SLC16A7: variants seen among roughly 807,000 people sequenced by gnomAD.
SLC16A7 encodes solute carrier family 16 member 7, also known as monocarboxylate transporter 2.
SLC16A7 carries 33 observed loss-of-function variants against 34.9 expected under a neutral mutation model. The observed-to-expected ratio is 0.94, with a 90% CI of 0.72 to 1.26. The LOEUF is 1.26. Among genes scored for constraint, SLC16A7 ranks in the 50% most tolerant of loss-of-function variants. The pLI, the probability that SLC16A7 is intolerant of heterozygous loss-of-function variation, is 0.00. For missense variants in SLC16A7, 573 were observed against 578.1 expected, an observed-to-expected ratio of 0.99 and a Z score of 0.09; for synonymous variants, 201 against 206.6, an observed-to-expected ratio of 0.97 and a Z score of 0.23.
chr12:59,713,392 GA>G (rs1565667081), intron 3 of SLC16A7, among the ~76,000 whole-genome samples: 2 of 152,144 alleles, frequency 1.3e-5, no homozygotes, highest in African/African-American at 4.8e-5. Context: ...TAGGATTGAA[GA>G]ATTTACCGCA....
At chr12:59,670,029 C>T (rs977511054) in intron 2 of SLC16A7, among the ~76,000 whole-genome samples, 1 of 152,166 alleles carries the variant, frequency 6.6e-6, no homozygotes, top group African/African-American at 2.4e-5. Context: ...ATTCTCTCTC[C>T]TTTGGAAACA....
chr12:59,678,956 G>A lies in SLC16A7; in HGVS notation c.-31+23706G>A, dbSNP rs113455423. ...CTGGCATGTCAGTGCTGCCCTGAGC[G>A]AACACACACCCAGCTGGGTTGCAAC... On this transcript the variant is annotated intron_variant, in intron 2 of 5. Coordinates refer to ENST00000547379, the MANE Select transcript of SLC16A7 (RefSeq NM_001270623.2). Among the ~76,000 whole-genome samples the A allele has an allele frequency of 1.1e-3, 167 of 152,302 alleles. 2 individuals are homozygous for A. The highest frequency in any genetic ancestry group is 6.8e-3 in the South Asian group (33 of 4,824).
At chr12:59,766,100 T>C (rs1255090055) in intron 3 of SLC16A7, among the ~76,000 whole-genome samples, 1 of 152,210 alleles carries the variant, frequency 6.6e-6, no homozygotes, top group Non-Finnish European at 1.5e-5. Context: ...GAAGCAATTG[T>C]GAATGGAAGT....
intron 1 of SLC16A7, among the ~76,000 whole-genome samples, chr12:59,644,768 C>T (rs1378615171): frequency 1.3e-5 from 2 of 152,150 alleles, no homozygotes; most frequent in African/African-American, 2.4e-5. Flanking sequence ...GTTCCTCCCT[C>T]CCCTTTCAAA....
At chr12:59,597,041 C>T (rs1294049668) in intron 1 of SLC16A7, 1 of 152,342 alleles carries the variant, frequency 6.6e-6, no homozygotes, top group African/African-American at 2.4e-5. Context: ...CGCTCACGTG[C>T]GAACTGCCTG....
In SLC16A7 at chr12:59,731,830, G is replaced by A. The variant is rs1017937963; in HGVS notation, c.217+26812G>A. Among the ~76,000 whole-genome samples, 5 of 152,096 alleles carry A rather than the reference G, an allele frequency of 3.3e-5. No individual in the cohort carries two copies. In the East Asian group the frequency reaches 9.6e-4, roughly 29 times the overall value. The stretch of plus-strand genomic sequence containing the variant: ...TTTTGTAATGAGGATTTAACCCAGA[G>A]GCAAAAGATATAGGGTCAAACCTCA... On this transcript the variant is annotated intron_variant, in intron 3 of 5. Transcript: ENST00000547379.
chr12:59,755,653 A>G (rs1880227951), intron 3 of SLC16A7, among the ~76,000 whole-genome samples: 2 of 152,194 alleles, frequency 1.3e-5, no homozygotes, highest in African/African-American at 4.8e-5. Flanking sequence ...GGTAGGAAGA[A>G]TCAGTATCAT....
intron 1 of SLC16A7, among the ~76,000 whole-genome samples, chr12:59,604,369 AG>A (rs1197712302): frequency 6.6e-6 from 1 of 152,246 alleles, no homozygotes; most frequent in African/African-American, 2.4e-5. Flanking sequence ...GGAGGATGAT[AG>A]GAAAGCTCAC....
chr12:59,715,319 A>G (rs1475377152), intron 3 of SLC16A7, among the ~76,000 whole-genome samples: 2 of 152,208 alleles, frequency 1.3e-5, no homozygotes, highest in East Asian at 1.9e-4. Context: ...TGTATTCAAT[A>G]TATTTCACTG....
At chr12:59,641,435 A>G (rs1167202724) in intron 1 of SLC16A7, among the ~76,000 whole-genome samples, 1 of 152,054 alleles carries the variant, frequency 6.6e-6, no homozygotes, top group African/African-American at 2.4e-5. Context: ...TGATGGGGTT[A>G]CCATGCTGAA....
At chr12:59,681,153 T>C (rs1301881387) in intron 2 of SLC16A7, among the ~76,000 whole-genome samples, 2 of 152,204 alleles carry the variant, frequency 1.3e-5, no homozygotes, top group Non-Finnish European at 2.9e-5. Context: ...AAAACATCAT[T>C]GTGTTTAGAG....
At chr12:59,691,338 G>C (rs1871624460) in intron 2 of SLC16A7, among the ~76,000 whole-genome samples, 1 of 151,690 alleles carries the variant, frequency 6.6e-6, no homozygotes, top group African/African-American at 2.4e-5. Flanking sequence ...AAAGAAGAGG[G>C]GGTTCTTGAG....
chr12:59,761,017 A>AT, intron 3 of SLC16A7: 1 of 394,742 alleles, frequency 2.5e-6, no homozygotes, highest in Non-Finnish European at 4.7e-6. Flanking sequence ...AACCACGTGT[A>AT]TTTTTTAAAC....
intron 2 of SLC16A7, among the ~76,000 whole-genome samples, chr12:59,691,409 T>C (rs1871632999): frequency 6.6e-6 from 1 of 152,058 alleles, no homozygotes; most frequent in Admixed American, 6.6e-5. Context: ...TATGTTGTTT[T>C]TGTTTGTTTG....
intron 3 of SLC16A7, among the ~76,000 whole-genome samples, chr12:59,761,768 C>T (rs1881040830): frequency 6.6e-6 from 1 of 152,048 alleles, no homozygotes; most frequent in Non-Finnish European, 1.5e-5. Context: ...CCAAAATGCC[C>T]AAGGAAGCTC....
chr12:59,660,796 T>C (rs1477035808), intron 2 of SLC16A7, among the ~76,000 whole-genome samples: 1 of 152,084 alleles, frequency 6.6e-6, no homozygotes, highest in Non-Finnish European at 1.5e-5. Flanking sequence ...AAGATGTAAA[T>C]TTGTTTTGAG....
At chr12:59,749,459 A>G (rs991886177) in intron 3 of SLC16A7, among the ~76,000 whole-genome samples, 1 of 152,104 alleles carries the variant, frequency 6.6e-6, no homozygotes, top group African/African-American at 2.4e-5. Flanking sequence ...ATTCAGTGCC[A>G]AAGGTGTCGA....
intron 3 of SLC16A7, among the ~76,000 whole-genome samples, chr12:59,755,915 A>G (rs938393704): frequency 2.6e-5 from 4 of 152,172 alleles, no homozygotes; most frequent in Non-Finnish European, 4.4e-5. Context: ...AGAGATATAG[A>G]TCAATGGAGC....
chr12:59,604,347 G>A (rs1029193407), intron 1 of SLC16A7, among the ~76,000 whole-genome samples: 2 of 152,108 alleles, frequency 1.3e-5, no homozygotes, highest in Non-Finnish European at 2.9e-5. Flanking sequence ...ATAAATAAAT[G>A]AATAAACCAC....
Sources: gnomAD v4.1 joint callset for allele counts (sites outside exome capture counted in the v4.1 genomes callset) on GRCh38, gnomAD v4.1.1 for gene constraint, MANE v1.5 for transcripts, NCBI Gene and HGNC (gene_info 2026-07-23, HGNC 2026-07-21) for gene names.